SLC25A6: variants seen among roughly 807,000 people sequenced by gnomAD.
SLC25A6 encodes the protein ADP/ATP translocase 3.
A neutral mutation model predicts 25.7 loss-of-function variants in SLC25A6; 9 were observed. That is an observed-to-expected ratio of 0.35 (90% confidence interval 0.21 to 0.61). The LOEUF is 0.61. Among genes scored for constraint, SLC25A6 ranks in the 20% least tolerant of loss-of-function variants. The probability of loss-of-function intolerance (pLI) is 0.76; values close to 1 mark genes in which losing one functional copy is unlikely to be tolerated. For synonymous variants in SLC25A6, 223 were observed against 197.0 expected, an observed-to-expected ratio of 1.13 and a Z score of -1.11; for missense variants, 404 against 440.5, an observed-to-expected ratio of 0.92 and a Z score of 0.74.
chrX:1,386,441 G>A lies in SLC25A6; in HGVS notation c.*161C>T, dbSNP rs1232739621. ...GCTGCCGATGGTTGGATCGCAATGCGCCCCTTTTCTAGAGCCTTCCCCGGC... is the reference window on the plus strand; with the variant it reads ...GCTGCCGATGGTTGGATCGCAATGCACCCCTTTTCTAGAGCCTTCCCCGGC... On this transcript the variant is annotated 3_prime_UTR_variant, in exon 4 of 4. Transcript: ENST00000381401. The A allele has an allele frequency of 2.5e-5, 23 of 934,118 alleles. No individual in the cohort carries two copies. Among genetic ancestry groups the A allele is most frequent in the African/African-American group, 3.4e-5 (2 of 58,326 alleles). 57.9% of individuals were successfully genotyped at this position (934,118 alleles called of 1,614,324 possible).
At chrX:1,391,769 G>T in intron 1 of SLC25A6, 130 bp downstream of exon 1, 1 of 664,510 alleles carries the variant, frequency 1.5e-6, no homozygotes, top group Non-Finnish European at 2.5e-6. Flanking sequence ...CCGGCGGCGC[G>T]TGGACAAAGC....
rs1168206279 is a variant in SLC25A6 at position 1,389,713 on chromosome X, G to A, written c.126C>T (p.Ser42=). 9 of 1,612,426 alleles carry A rather than the reference G, an allele frequency of 5.6e-6. No homozygotes were observed. The highest frequency in any genetic ancestry group is 1.1e-5 in the South Asian group (1 of 91,010). The change falls in exon 2 of 4, where the codon AGC becomes AGT. Residue 42 remains serine (S), a synonymous_variant. Transcript: ENST00000381401. ...ACTGCTTGTCGGCGGCGATCTGCTT[G>A]CTGGCGTGCTGGACCTGGGGGACGC... The part of the protein sequence containing the change: ...VKLLLQVQHA[S]KQIAADKQYK...
At position 1,389,518 on chromosome X, in the gene SLC25A6, C is replaced by G. The variant is rs561919681; in HGVS notation, c.321G>C (p.Thr107=). The G allele has an allele frequency of 1.6e-5, 26 of 1,614,180 alleles. No homozygotes were observed. In the South Asian group the frequency reaches 2.3e-4, roughly 14 times the overall value. The change falls in exon 2 of 4, where the codon ACG becomes ACC. Residue 107 remains threonine (T), a synonymous_variant. Transcript: ENST00000381401. ...TGCCCGCAAAGTACCTCCAGAACTGCGTGTGCTTGTCCACGCCCCCCAGGA... is the reference window on the plus strand; with the variant it reads ...TGCCCGCAAAGTACCTCCAGAACTGGGTGTGCTTGTCCACGCCCCCCAGGA... ...QIFLGGVDKH[T]QFWRYFAGNL...
intron 1 of SLC25A6, chrX:1,390,092 G>A (rs2089382263): frequency 3.4e-6 from 1 of 296,488 alleles, no homozygotes; most frequent in Admixed American, 4.7e-5. Context: ...CCTCACTGCA[G>A]CCTCCAACTC....
Position 1,392,110 on chromosome X carries a change from A to G in SLC25A6, c.-101T>C. 1.2e-6 allele frequency: 1 copy of G among 859,834 alleles called. No homozygotes were observed. The highest frequency in any genetic ancestry group is 1.9e-6 in the Non-Finnish European group (1 of 537,644). The allele number at this position is 859,834 out of a possible 1,614,324, so 53.3% of individuals were successfully genotyped here. A position where few individuals can be genotyped will look rare whatever the true frequency, so the allele number is the denominator to read the frequency against. The stretch of plus-strand genomic sequence containing the variant: ...TCAGCCCTGCCGCCGCCTGGACCGA[A>G]AGGACGGAGCAGCCACCGCGCAGCC... On this transcript the variant is annotated 5_prime_UTR_variant, in exon 1 of 4. Transcript: ENST00000381401.
At position 1,389,737 on chromosome X, in the gene SLC25A6, G is replaced by A. The variant is rs373042772; in HGVS notation, c.112-10C>T. ...TGCTGGCGTGCTGGACCTGGGGGAC[G>A]CAGAGGGTGTTCAGACCAGACCCAG... On this transcript the variant is annotated splice_polypyrimidine_tract_variant and intron_variant, in intron 1 of 3. Coordinates refer to ENST00000381401, the MANE Select transcript of SLC25A6 (RefSeq NM_001636.4). 1.1e-5 allele frequency: 18 copies of A among 1,610,518 alleles called. No individual in the cohort carries two copies. Among genetic ancestry groups the A allele is most frequent in the African/African-American group, 1.1e-4 (8 of 74,816 alleles).
rs369234159 is a variant in SLC25A6, at chrX:1,389,498, G to A, written c.341C>T (p.Ala114Val). 47 of 1,614,054 alleles carry A rather than the reference G, an allele frequency of 2.9e-5. No homozygotes were observed. The highest frequency in any genetic ancestry group is 5.0e-5 in the Admixed American group (3 of 60,004). Residue 114 changes from alanine to valine, a missense_variant, in exon 2 of 4, where the codon GCG (alanine) becomes GTG (valine). Physicochemically the swap from Ala to Val is moderately conservative, Grantham distance 64. Transcript: ENST00000381401. ...DKHTQFWRYF[A>V]GNLASGGAAG... Reference sequence around the variant, plus strand: ...CGCACCGCCGGAGGCCAGGTTGCCCGCAAAGTACCTCCAGAACTGCGTGTG... The same window carrying A: ...CGCACCGCCGGAGGCCAGGTTGCCCACAAAGTACCTCCAGAACTGCGTGTG...
intron 2 of SLC25A6, 37 bp from the exon 3 acceptor site, chrX:1,387,456 G>A (rs1184551643): frequency 3.1e-6 from 5 of 1,606,794 alleles, no homozygotes; most frequent in African/African-American, 2.7e-5. Context: ...TCCAGCGCCT[G>A]CACGGCCACC....
intron 2 of SLC25A6, 40 bp from the exon 3 acceptor site, chrX:1,387,459 C>T (rs376208315): frequency 1.4e-5 from 23 of 1,605,602 alleles, no homozygotes; most frequent in East Asian, 4.5e-5. Flanking sequence ...AGCGCCTGCA[C>T]GGCCACCCGA....
chrX:1,391,910 G>C lies in SLC25A6; in HGVS notation c.100C>G (p.Leu34Val). 6.2e-7 allele frequency: 1 copy of C among 1,606,638 alleles called. No homozygotes were observed. The highest frequency in any genetic ancestry group is 8.5e-7 in the Non-Finnish European group (1 of 1,177,954). The change falls in exon 1 of 4, where the codon CTG (leucine) becomes GTG (valine). Residue 34 changes from leucine (L) to valine (V), a missense_variant. Physicochemically the swap from Leu to Val is conservative, Grantham distance 32. Transcript: ENST00000381401. Reference sequence around the variant, plus strand: ...GCCCGCGTCCCCACCTGCAGCAGCAGCTTGACCCGCTCGATCGGAGCCACG... The same window carrying C: ...GCCCGCGTCCCCACCTGCAGCAGCACCTTGACCCGCTCGATCGGAGCCACG... ...TAVAPIERVK[L>V]LLQVQHASKQ...
intron 1 of SLC25A6, among the ~76,000 whole-genome samples, chrX:1,391,110 T>A (rs2089402664): frequency 6.6e-6 from 1 of 151,090 alleles, no homozygotes; most frequent in African/African-American, 2.4e-5. Context: ...CTCAATGCAC[T>A]GGGACGTCCT....
rs371065590 is a variant in SLC25A6, at chrX:1,389,736, C to T, written c.112-9G>A. ...TTGCTGGCGTGCTGGACCTGGGGGA[C>T]GCAGAGGGTGTTCAGACCAGACCCA... On this transcript the variant is annotated splice_polypyrimidine_tract_variant and intron_variant, in intron 1 of 3. Coordinates refer to ENST00000381401, the MANE Select transcript of SLC25A6 (RefSeq NM_001636.4). The T allele has an allele frequency of 1.6e-5, 25 of 1,610,412 alleles. No homozygotes were observed. The highest frequency in any genetic ancestry group is 6.7e-5 in the African/African-American group (5 of 74,780).
intron 1 of SLC25A6, 136 bp downstream of exon 1, chrX:1,391,763 C>T: frequency 3.2e-6 from 2 of 631,046 alleles, no homozygotes; most frequent in Non-Finnish European, 5.3e-6. Flanking sequence ...CGGAAGCCGG[C>T]GGCGCGTGGA....
chrX:1,387,744 C>CA (rs1451439448), intron 2 of SLC25A6, among the ~76,000 whole-genome samples: 2 of 152,194 alleles, frequency 1.3e-5, no homozygotes, highest in African/African-American at 4.8e-5. Flanking sequence ...ACTCTGTCCT[C>CA]AAAATCCACA....
chrX:1,387,680 G>C (rs1439681459), intron 2 of SLC25A6, among the ~76,000 whole-genome samples: 1 of 152,192 alleles, frequency 6.6e-6, no homozygotes, highest in Non-Finnish European at 1.5e-5. Context: ...GCCTGTTTGG[G>C]GAAGGGAATA....
intron 1 of SLC25A6, 119 bp downstream of exon 1, chrX:1,391,780 G>C (rs1302285866): frequency 4.8e-5 from 34 of 715,292 alleles, no homozygotes; most frequent in Non-Finnish European, 6.8e-5. Context: ...TGGACAAAGC[G>C]ATCGCGGCCT....
intron 1 of SLC25A6, chrX:1,390,118 C>A (rs767226501): frequency 5.1e-5 from 13 of 255,364 alleles, no homozygotes; most frequent in Non-Finnish European, 5.3e-5. Context: ...TTAAGCCATC[C>A]TCCCGCCTCA....
rs1370110161 is a variant in SLC25A6 at position 1,391,265 on chromosome X, C to A, written c.111+634G>T. Among the ~76,000 whole-genome samples the A allele has an allele frequency of 2.0e-5, 3 of 152,260 alleles. No individual in the cohort carries two copies. In the East Asian group the frequency reaches 5.8e-4, roughly 29 times the overall value. On this transcript the variant is annotated intron_variant, in intron 1 of 3. Coordinates refer to ENST00000381401, the MANE Select transcript of SLC25A6 (RefSeq NM_001636.4). ...GGCGTGACCTGTCCTTGCAGCCAAG[C>A]CTATTCATTCCCATCACCGAGCTGT... is the stretch of plus-strand genomic sequence containing the variant.
At chrX:1,387,468 G>A (rs752724050) in intron 2 of SLC25A6, 49 bp from the exon 3 acceptor site, 48 of 1,603,146 alleles carry the variant, frequency 3.0e-5, no homozygotes, top group South Asian at 3.3e-5. Context: ...ACGGCCACCC[G>A]AGACCAGGGT....
Sources: allele counts gnomAD v4.1 joint callset (sites outside exome capture counted in the v4.1 genomes callset), GRCh38; gene constraint gnomAD v4.1.1; transcripts MANE v1.5; gene names NCBI Gene and HGNC (gene_info 2026-07-23, HGNC 2026-07-21).